The following ATXN1 variants were observed in gnomAD, a reference collection of about 807,000 sequenced individuals.
The protein encoded by ATXN1 is ataxin 1.
In ATXN1, 8 loss-of-function variants were observed where a neutral mutation model predicts 56.4. The observed-to-expected ratio is 0.14, with a 90% confidence interval of 0.08 to 0.26. ATXN1 has a LOEUF of 0.26. Among genes scored for constraint, ATXN1 ranks in the 10% least tolerant of loss-of-function variants. The pLI, the probability that ATXN1 is intolerant of heterozygous loss-of-function variation, is 1.00. For missense variants in ATXN1, 987 were observed against 1,106.5 expected, an observed-to-expected ratio of 0.89 and a Z score of 1.53; for synonymous variants, 514 against 494.6, an observed-to-expected ratio of 1.04 and a Z score of -0.52.
chr6:16,557,776 T>TA (rs1762041137), intron 4 of ATXN1, among the ~76,000 whole-genome samples: 1 of 152,124 alleles, frequency 6.6e-6, no homozygotes, highest in Non-Finnish European at 1.5e-5. Context: ...GACGGCCACC[T>TA]AAAAAAATAT....
chr6:16,498,296 T>C (rs1380737745), intron 5 of ATXN1, among the ~76,000 whole-genome samples: 1 of 152,220 alleles, frequency 6.6e-6, no homozygotes, highest in East Asian at 1.9e-4. Flanking sequence ...TCAAGGCTCA[T>C]TCATATTGTA....
At chr6:16,557,326 CAA>C (rs10551173) in intron 4 of ATXN1, among the ~76,000 whole-genome samples, 7,797 of 87,958 alleles carry the variant, frequency 0.089, 588 homozygotes, top group African/African-American at 0.28. Flanking sequence ...AACCCCATTT[CAA>C]AAAAAAAAAA....
At chr6:16,606,794 C>A (rs1478093572) in intron 3 of ATXN1, among the ~76,000 whole-genome samples, 2 of 150,992 alleles carry the variant, frequency 1.3e-5, no homozygotes, top group African/African-American at 4.9e-5. Flanking sequence ...TCCCGAAGTG[C>A]TGGGATTACA....
chr6:16,491,170 T>G (rs1291050952), intron 5 of ATXN1, among the ~76,000 whole-genome samples: 1 of 133,326 alleles, frequency 7.5e-6, no homozygotes, highest in African/African-American at 2.8e-5. Context: ...TCTCACTCAC[T>G]GCAACCTCTG....
chr6:16,437,214 GCT>G (rs1759411668), intron 6 of ATXN1, among the ~76,000 whole-genome samples: 1 of 152,196 alleles, frequency 6.6e-6, no homozygotes, highest in African/African-American at 2.4e-5. Context: ...GAGCCCTGAG[GCT>G]CTCTCACATT....
At chr6:16,542,812 A>G (rs970702874) in intron 4 of ATXN1, among the ~76,000 whole-genome samples, 2 of 152,138 alleles carry the variant, frequency 1.3e-5, no homozygotes, top group South Asian at 2.1e-4. Flanking sequence ...TTAATTTATA[A>G]ATAAGTCACA....
intron 2 of ATXN1, among the ~76,000 whole-genome samples, chr6:16,716,606 G>A (rs904804809): frequency 1.3e-5 from 2 of 152,142 alleles, no homozygotes; most frequent in Non-Finnish European, 2.9e-5. Context: ...ATTCTCTGAC[G>A]TGCAAAGGTA....
Position 16,448,668 on chromosome 6 carries a change from A to G in ATXN1, c.-161+37304T>C, listed in dbSNP as rs147714876. 1.1e-4 allele frequency among the ~76,000 whole-genome samples: 16 copies of G among 152,290 alleles called. No homozygotes were observed. The East Asian group carries it at 2.9e-3, about 28-fold the overall frequency. On this transcript the variant is annotated intron_variant, in intron 6 of 7. Transcript: ENST00000436367. The stretch of plus-strand genomic sequence containing the variant: ...ATAAAAGTGTCTTACATTGCCCAAC[A>G]AGGACACTATATACAGTTTTTGTTT...
At chr6:16,564,430 A>G (rs372144281) in intron 4 of ATXN1, among the ~76,000 whole-genome samples, 3 of 152,250 alleles carry the variant, frequency 2.0e-5, no homozygotes, top group East Asian at 3.8e-4. Context: ...CACTGTTCAT[A>G]ATAGTGAAAG....
intron 6 of ATXN1, among the ~76,000 whole-genome samples, chr6:16,364,649 C>T (rs1302606071): frequency 1.3e-5 from 2 of 152,224 alleles, no homozygotes; most frequent in Non-Finnish European, 2.9e-5. Flanking sequence ...GGTTCCCCTA[C>T]TGCTCAAGGA....
In ATXN1 at chr6:16,719,707, G is replaced by T. The variant is rs190558400; in HGVS notation, c.-615+33526C>A. Among the ~76,000 whole-genome samples the T allele has an allele frequency of 3.8e-3, 574 of 152,238 alleles. 2 individuals are homozygous for T. The highest frequency in any genetic ancestry group is 0.014 in the Middle Eastern group (4 of 294). On this transcript the variant is annotated intron_variant, in intron 2 of 7. Transcript: ENST00000436367. ...TAAATGTCATGGATTTCCCGGGTGG[G>T]TCCTAAATCCAATGACCACTGTTCT...
chr6:16,501,036 T>C (rs553546148), intron 5 of ATXN1, among the ~76,000 whole-genome samples: 4 of 152,342 alleles, frequency 2.6e-5, no homozygotes, highest in African/African-American at 9.6e-5. Context: ...AATTGGGAAG[T>C]GAGTTTCATG....
In ATXN1 at chr6:16,327,022, G is replaced by T; in HGVS notation, c.1289C>A (p.Pro430His). Residue 430 changes from proline (P) to histidine (H), a missense_variant, in exon 7 of 8, where the codon CCC becomes CAC. By Grantham distance (77) the Pro-to-His change is moderately conservative. Transcript: ENST00000436367. The stretch of plus-strand genomic sequence containing the variant: ...GTGTGTGGTCTGAATGACCGTGTGG[G>T]GTGAGAGCGCGTAGGACCGGTGGCC... ...KPGHRSYALS[P>H]HTVIQTTHSA... 1 of 1,614,172 alleles carries T rather than the reference G, an allele frequency of 6.2e-7. No homozygotes were observed. Among genetic ancestry groups the T allele is most frequent in the South Asian group, 1.1e-5 (1 of 91,088 alleles).
chr6:16,704,813 A>C (rs1454746950), intron 2 of ATXN1, among the ~76,000 whole-genome samples: 1 of 152,222 alleles, frequency 6.6e-6, no homozygotes, highest in East Asian at 1.9e-4. Flanking sequence ...GAGAAGTCTC[A>C]AAGTTACACA....
intron 7 of ATXN1, among the ~76,000 whole-genome samples, chr6:16,310,622 A>G (rs1379500339): frequency 2.0e-5 from 3 of 152,130 alleles, no homozygotes; most frequent in Admixed American, 6.5e-5. Flanking sequence ...AGCTGGGACT[A>G]CAGGTATGCA....
At chr6:16,740,802 G>C (rs1462095167) in intron 2 of ATXN1, among the ~76,000 whole-genome samples, 1 of 152,086 alleles carries the variant, frequency 6.6e-6, no homozygotes, top group African/African-American at 2.4e-5. Context: ...CAAAGCACTG[G>C]GATTCGAGGC....
chr6:16,633,632 T>C (rs1177723098), intron 3 of ATXN1, among the ~76,000 whole-genome samples: 2 of 152,112 alleles, frequency 1.3e-5, no homozygotes, highest in Non-Finnish European at 2.9e-5. Context: ...GAGTGTGTCA[T>C]GTGGCTGCCA....
chr6:16,557,185 G>A (rs563997938), intron 4 of ATXN1, among the ~76,000 whole-genome samples: 1 of 152,184 alleles, frequency 6.6e-6, no homozygotes, highest in East Asian at 1.9e-4. Flanking sequence ...AAATTAGCCA[G>A]GTGTGGTGGC....
chr6:16,707,855 T>A (rs1561817003), intron 2 of ATXN1, among the ~76,000 whole-genome samples: 1 of 151,640 alleles, frequency 6.6e-6, no homozygotes, highest in African/African-American at 2.4e-5. Context: ...AAGAATAAAA[T>A]AAAATGTGTT....
Sources: allele counts gnomAD v4.1 joint callset (sites outside exome capture counted in the v4.1 genomes callset), GRCh38; gene constraint gnomAD v4.1.1; transcripts MANE v1.5; gene names NCBI Gene and HGNC (gene_info 2026-07-23, HGNC 2026-07-21).